SLC4A4: variants seen among roughly 807,000 people sequenced by gnomAD.
The protein encoded by SLC4A4 is solute carrier family 4 member 4, also known as electrogenic sodium bicarbonate cotransporter 1.
SLC4A4 carries 27 observed loss-of-function variants against 111.5 expected under a neutral mutation model. The observed-to-expected ratio is 0.24, with a 90% CI of 0.18 to 0.33. SLC4A4 has a LOEUF of 0.33. Among genes scored for constraint, SLC4A4 ranks in the 10% least tolerant of loss-of-function variants. The pLI, the probability that SLC4A4 is intolerant of heterozygous loss-of-function variation, is 1.00. For synonymous variants in SLC4A4, 443 were observed against 463.4 expected, an observed-to-expected ratio of 0.96 and a Z score of 0.57; for missense variants, 909 against 1,315.5, an observed-to-expected ratio of 0.69 and a Z score of 4.78.
intron 1 of SLC4A4, among the ~76,000 whole-genome samples, chr4:71,080,885 A>G (rs1428106153): frequency 6.6e-6 from 1 of 152,078 alleles, no homozygotes; most frequent in African/African-American, 2.4e-5. Flanking sequence ...ATTCCTGTTT[A>G]TGATTGTTGG....
At chr4:71,513,453 C>A (rs764016248) in intron 16 of SLC4A4, among the ~76,000 whole-genome samples, 13 of 151,896 alleles carry the variant, frequency 8.6e-5, no homozygotes, top group Non-Finnish European at 1.8e-4. Flanking sequence ...TATAGAAATG[C>A]GACTGGGTTT....
At chr4:71,527,077 A>G (rs1263722410) in intron 16 of SLC4A4, among the ~76,000 whole-genome samples, 2 of 152,216 alleles carry the variant, frequency 1.3e-5, no homozygotes, top group Non-Finnish European at 1.5e-5. Flanking sequence ...GTAACATTAC[A>G]TATTCACAGG....
intron 6 of SLC4A4, among the ~76,000 whole-genome samples, chr4:71,372,332 A>G (rs1217124350): frequency 3.3e-5 from 5 of 152,218 alleles, no homozygotes. Flanking sequence ...AACAAAACCA[A>G]AAATGATTTC....
intron 12 of SLC4A4, among the ~76,000 whole-genome samples, chr4:71,454,992 T>A (rs1403769600): frequency 2.0e-5 from 3 of 152,142 alleles, no homozygotes; most frequent in Non-Finnish European, 4.4e-5. Flanking sequence ...CCACACGACT[T>A]CTCCACATAG....
At chr4:71,149,411 G>A (rs1046182701) in intron 2 of SLC4A4, among the ~76,000 whole-genome samples, 2 of 152,094 alleles carry the variant, frequency 1.3e-5, no homozygotes, top group Non-Finnish European at 2.9e-5. Flanking sequence ...ATAGAAACAA[G>A]ACACAGCTCT....
intron 2 of SLC4A4, among the ~76,000 whole-genome samples, chr4:71,160,568 G>T (rs1457490019): frequency 6.6e-6 from 1 of 151,942 alleles, no homozygotes; most frequent in African/African-American, 2.4e-5. Context: ...GGGAAATGTG[G>T]ACAGAGGGAA....
intron 8 of SLC4A4, among the ~76,000 whole-genome samples, chr4:71,441,164 T>A (rs1274585116): frequency 6.6e-6 from 1 of 152,222 alleles, no homozygotes; most frequent in Non-Finnish European, 1.5e-5. Flanking sequence ...CTCTGTTTTA[T>A]CAGAAAATTG....
intron 2 of SLC4A4, among the ~76,000 whole-genome samples, chr4:71,251,412 G>A (rs1199513734): frequency 6.6e-6 from 1 of 152,160 alleles, no homozygotes; most frequent in Non-Finnish European, 1.5e-5. Flanking sequence ...TGTAAGGATG[G>A]GAAGAAACAA....
At chr4:71,359,502 A>C (rs947817385) in intron 6 of SLC4A4, among the ~76,000 whole-genome samples, 1 of 152,208 alleles carries the variant, frequency 6.6e-6, no homozygotes, top group Non-Finnish European at 1.5e-5. Context: ...ATAAATCATC[A>C]AATGGCAAAT....
chr4:71,094,745 G>T (rs1021556443), intron 2 of SLC4A4, among the ~76,000 whole-genome samples: 1 of 152,106 alleles, frequency 6.6e-6, no homozygotes, highest in East Asian at 1.9e-4. Flanking sequence ...CCAGAAGCTG[G>T]ATGTTTTGTG....
chr4:71,088,051 T>C (rs1339069962), intron 1 of SLC4A4, among the ~76,000 whole-genome samples: 5 of 152,012 alleles, frequency 3.3e-5, no homozygotes, highest in Non-Finnish European at 5.9e-5. Flanking sequence ...AGTCTCTTTG[T>C]AGGTCTCTAA....
Position 71,395,645 on chromosome 4 carries a change from A to C in SLC4A4, c.731-1932A>C, listed in dbSNP as rs181279995. On this transcript the variant is annotated intron_variant, in intron 6 of 25. Transcript: ENST00000264485. ...TCATTAATTTGGCTTCTACCTATTCAGATTTTGCAGCAGTTAGGACAGTGC... is the reference window on the plus strand; with the variant it reads ...TCATTAATTTGGCTTCTACCTATTCCGATTTTGCAGCAGTTAGGACAGTGC... 1.3e-3 allele frequency among the ~76,000 whole-genome samples: 197 copies of C among 152,342 alleles called. 6 individuals are homozygous for C. The highest frequency in any genetic ancestry group is 3.4e-3 in the Middle Eastern group (1 of 294).
chr4:71,521,309 G>A (rs1335756152), intron 16 of SLC4A4, among the ~76,000 whole-genome samples: 1 of 151,998 alleles, frequency 6.6e-6, no homozygotes, highest in African/African-American at 2.4e-5. Flanking sequence ...ATGGCTTACT[G>A]CAGCCTCAAC....
chr4:71,558,308 A>T (rs1404901172), intron 22 of SLC4A4, among the ~76,000 whole-genome samples: 2 of 151,964 alleles, frequency 1.3e-5, no homozygotes, highest in Non-Finnish European at 2.9e-5. Flanking sequence ...TTTCAGTTCA[A>T]GTAATAAAGA....
chr4:71,296,612 A>G (rs1211416522), intron 3 of SLC4A4, among the ~76,000 whole-genome samples: 4 of 152,192 alleles, frequency 2.6e-5, no homozygotes, highest in African/African-American at 7.2e-5. Flanking sequence ...ATTTGGAGAG[A>G]TGGAAATATG....
At chr4:71,077,513 C>G (rs1741868327) in intron 1 of SLC4A4, among the ~76,000 whole-genome samples, 1 of 152,086 alleles carries the variant, frequency 6.6e-6, no homozygotes, top group South Asian at 2.1e-4. Flanking sequence ...CTATCACACT[C>G]TGTGTTAGGT....
rs1298007105 is a variant in SLC4A4 at position 71,229,164 on chromosome 4, C to G, written c.-1-7412C>G. On this transcript the variant is annotated intron_variant, in intron 1 of 25. Coordinates refer to ENST00000264485, the MANE Select transcript of SLC4A4 (RefSeq NM_001098484.3). ...ATAAATTGTATAATGTAGTTTGTAA[C>G]CTTTTGGGATGAGCTTTTCTCACTC... Among the ~76,000 whole-genome samples the G allele has an allele frequency of 3.9e-5, 6 of 152,072 alleles. No homozygotes were observed. The East Asian group carries it at 9.6e-4, about 24-fold the overall frequency.
chr4:71,096,001 A>T (rs1742534803), intron 2 of SLC4A4, among the ~76,000 whole-genome samples: 2 of 152,156 alleles, frequency 1.3e-5, no homozygotes, highest in South Asian at 4.1e-4. Flanking sequence ...AGTGGAGAGA[A>T]GGGTAAAATG....
chr4:71,089,763 G>C (rs1578468732), intron 1 of SLC4A4, among the ~76,000 whole-genome samples: 1 of 151,966 alleles, frequency 6.6e-6, no homozygotes, highest in Non-Finnish European at 1.5e-5. Context: ...TGGAAATTTT[G>C]TCTCAGAGGA....
Sources: allele counts gnomAD v4.1 joint callset (sites outside exome capture counted in the v4.1 genomes callset), GRCh38; gene constraint gnomAD v4.1.1; transcripts MANE v1.5; gene names NCBI Gene and HGNC (gene_info 2026-07-23, HGNC 2026-07-21).